Variants in MED14 observed in about 807,000 individuals in gnomAD.
MED14 encodes the protein mediator of RNA polymerase II transcription subunit 14.
In MED14, 8 loss-of-function variants were observed where a neutral mutation model predicts 109.0. The observed-to-expected ratio is 0.07, with a 90% CI of 0.04 to 0.13. MED14 has a LOEUF of 0.13. Ranked by LOEUF, MED14 falls within the 10% of genes least tolerant of loss-of-function variation. MED14 has a pLI of 1.00. For synonymous variants in MED14, 399 were observed against 408.7 expected, an observed-to-expected ratio of 0.98 and a Z score of 0.29; for missense variants, 711 against 1,142.4, an observed-to-expected ratio of 0.62 and a Z score of 5.44.
intron 28 of MED14, among the ~76,000 whole-genome samples, chrX:40,657,865 C>T (rs1208840310): frequency 2.7e-5 from 3 of 111,743 alleles, no homozygotes; most frequent in Non-Finnish European, 5.6e-5. Flanking sequence ...GATCTCGGCT[C>T]ACTGCAACCT....
intron 1 of MED14, among the ~76,000 whole-genome samples, chrX:40,734,701 C>G (rs1218476048): frequency 2.7e-5 from 3 of 112,506 alleles, no homozygotes; most frequent in African/African-American, 9.7e-5. Context: ...TTTACTCACA[C>G]TAACTTCATT....
intron 3 of MED14, among the ~76,000 whole-genome samples, chrX:40,717,476 C>G (rs750328905): frequency 9.0e-6 from 1 of 111,116 alleles, no homozygotes; most frequent in African/African-American, 3.3e-5. Flanking sequence ...AAACTACCTC[C>G]CTAAAACCTT....
At position 40,675,095 on chromosome X, in the gene MED14, A is replaced by G. The variant is rs537722170; in HGVS notation, c.3021+126T>C. The G allele has an allele frequency of 2.4e-4, 136 of 571,822 alleles. 3 individuals are homozygous for G. In the South Asian group the frequency reaches 6.2e-3, roughly 26 times the overall value. The allele number at this position is 571,822 out of a possible 1,213,427, so 47.1% of individuals were successfully genotyped here. On this transcript the variant is annotated intron_variant, in intron 22 of 30. Coordinates refer to ENST00000324817, the MANE Select transcript of MED14 (RefSeq NM_004229.4). ...GCCTCCTTCTGTAACTCTTTATTTC[A>G]TAAGTATTTCCTGGGCATCTCAGGC...
At chrX:40,694,601 C>A (rs1452546456) in intron 13 of MED14, among the ~76,000 whole-genome samples, 1 of 111,578 alleles carries the variant, frequency 9.0e-6, no homozygotes, top group African/African-American at 3.3e-5. Flanking sequence ...AAAATATGCT[C>A]AACATCTTCA....
intron 12 of MED14, among the ~76,000 whole-genome samples, chrX:40,698,871 C>T (rs1194867376): frequency 8.9e-6 from 1 of 112,146 alleles, no homozygotes; most frequent in African/African-American, 3.2e-5. Context: ...CTTTTAAAAG[C>T]TAAACAAATT....
chrX:40,735,987 C>G (rs1932259537), upstream of MED14: 1 of 235,260 alleles, frequency 4.3e-6, no homozygotes, highest in African/African-American at 3.0e-5. Context: ...TCCCTCCCGC[C>G]TCCGCCCCCT....
At chrX:40,674,533 G>A (rs750989909) in intron 22 of MED14, among the ~76,000 whole-genome samples, 11 of 112,243 alleles carry the variant, frequency 9.8e-5, no homozygotes, top group Non-Finnish European at 2.1e-4. Context: ...ATGTGCCAAA[G>A]AGCCTTGCCT....
Position 40,657,674 on chromosome X carries a change from A to G in MED14, c.3972+1553T>C. On this transcript the variant is annotated intron_variant, in intron 28 of 30. Coordinates refer to ENST00000324817, the MANE Select transcript of MED14 (RefSeq NM_004229.4). ...ACGAATGCAGACTGAGCTATGCAGA[A>G]ACTAAGGGAAATCCCCCAAGGGCCA... Among the ~76,000 whole-genome samples the G allele has an allele frequency of 2.7e-5, 3 of 112,182 alleles. No homozygotes were observed. The Admixed American group carries it at 2.8e-4, about 11-fold the overall frequency.
At chrX:40,678,672 A>T (rs975378950) in intron 21 of MED14, among the ~76,000 whole-genome samples, 1 of 109,900 alleles carries the variant, frequency 9.1e-6, no homozygotes, top group East Asian at 2.9e-4. Context: ...AAATACAAAA[A>T]TTATCCGGGT....
intron 21 of MED14, among the ~76,000 whole-genome samples, chrX:40,678,327 TAGG>T (rs1203991569): frequency 7.4e-5 from 6 of 81,521 alleles, no homozygotes; most frequent in Non-Finnish European, 1.2e-4. Flanking sequence ...GTTACATAAC[TAGG>T]AGAAGAGTTT....
chrX:40,666,047 T>G (rs1469173903), intron 24 of MED14, among the ~76,000 whole-genome samples: 1 of 112,038 alleles, frequency 8.9e-6, no homozygotes, highest in Admixed American at 9.5e-5. Context: ...GCTTAAAAAC[T>G]GAGGAACCTG....
chrX:40,733,215 T>C (rs972343579), intron 1 of MED14, among the ~76,000 whole-genome samples: 1 of 108,914 alleles, frequency 9.2e-6, no homozygotes, highest in African/African-American at 3.4e-5. Flanking sequence ...GCGAACCTCC[T>C]GGGCCCAAGC....
At chrX:40,665,838 T>C (rs1384534399) in intron 24 of MED14, among the ~76,000 whole-genome samples, 1 of 112,113 alleles carries the variant, frequency 8.9e-6, no homozygotes, top group African/African-American at 3.2e-5. Flanking sequence ...ATCATGGATA[T>C]GAGCACAGAT....
intron 1 of MED14, among the ~76,000 whole-genome samples, chrX:40,734,302 C>T (rs1469692087): frequency 8.9e-6 from 1 of 112,014 alleles, no homozygotes; most frequent in Non-Finnish European, 1.9e-5. Flanking sequence ...CTGAGAATGA[C>T]GTTTTACAGG....
chrX:40,652,947 A>G (rs963515006), intron 30 of MED14, among the ~76,000 whole-genome samples: 3 of 110,983 alleles, frequency 2.7e-5, no homozygotes, highest in Admixed American at 9.8e-5. Context: ...ACAGAAAGAA[A>G]AAGGAAATCC....
At chrX:40,662,827 G>T in intron 26 of MED14, 98 bp downstream of exon 26, 1 of 596,364 alleles carries the variant, frequency 1.7e-6, no homozygotes, top group Non-Finnish European at 2.6e-6. Flanking sequence ...AGGAGGGAAG[G>T]TGAAGGAATG....
chrX:40,708,245 C>G (rs1931220833), intron 10 of MED14, among the ~76,000 whole-genome samples: 1 of 110,871 alleles, frequency 9.0e-6, no homozygotes, highest in Admixed American at 9.6e-5. Context: ...GGCTGCCCCT[C>G]TCCTTAGTCT....
intron 18 of MED14, among the ~76,000 whole-genome samples, 185 bp from the exon 19 acceptor site, chrX:40,682,128 A>G (rs1209509369): frequency 8.9e-6 from 1 of 111,743 alleles, no homozygotes. Context: ...AAAAGGGGGC[A>G]AGGGTAGGTG....
intron 30 of MED14, 118 bp downstream of exon 30, chrX:40,654,246 T>C (rs1302880374): frequency 1.7e-6 from 1 of 600,841 alleles, no homozygotes; most frequent in African/African-American, 2.3e-5. Flanking sequence ...CAGACCTCTA[T>C]TGCTATGATT....
Sources: allele counts gnomAD v4.1 joint callset (sites outside exome capture counted in the v4.1 genomes callset), GRCh38; gene constraint gnomAD v4.1.1; transcripts MANE v1.5; gene names NCBI Gene and HGNC (gene_info 2026-07-23, HGNC 2026-07-21).